Variants in SLC66A2 observed in about 807,000 individuals in gnomAD.
SLC66A2 encodes the protein PQ loop repeat containing 1.
In SLC66A2, 23 loss-of-function variants were observed where a neutral mutation model predicts 25.5. That is an observed-to-expected ratio of 0.90 (90% CI 0.65 to 1.28). The LOEUF (loss-of-function observed/expected upper bound fraction) is 1.28. SLC66A2 is among the 50% of genes most tolerant of loss of function. SLC66A2 has a pLI of 0.00. For synonymous variants in SLC66A2, 193 were observed against 166.5 expected (o/e 1.16, Z -1.23); for missense variants, 396 against 373.1 (o/e 1.06, Z -0.51).
At position 79,902,558 on chromosome 18, in the gene SLC66A2, A is replaced by C. The variant is rs2123152882; in HGVS notation, c.*1418T>G. On this transcript the variant is annotated 3_prime_UTR_variant, in exon 6 of 6. Transcript: ENST00000397778. The stretch of plus-strand genomic sequence containing the variant: ...CTTGCTTCATCTTAAAAAAATAAAA[A>C]TTTTCAAAGCATCTCACAGGCCAAA... 1 of 152,400 alleles carries C rather than the reference A, an allele frequency of 6.6e-6. No individual in the cohort carries two copies. The highest frequency in any genetic ancestry group is 1.9e-4 in the East Asian group (1 of 5,192). The allele number at this position is 152,400 out of a possible 1,614,324, so 9.4% of individuals were successfully genotyped here. A position where few individuals can be genotyped will look rare whatever the true frequency, so the allele number is the denominator to read the frequency against.
At chr18:79,948,125 T>C (rs1402594989) in intron 2 of SLC66A2, among the ~76,000 whole-genome samples, 3 of 152,174 alleles carry the variant, frequency 2.0e-5, no homozygotes, top group Non-Finnish European at 4.4e-5. Flanking sequence ...ATGTTGATTC[T>C]ATGAAGAGAC....
intron 4 of SLC66A2, among the ~76,000 whole-genome samples, chr18:79,928,076 G>A (rs1568319525): frequency 6.6e-6 from 1 of 152,362 alleles, no homozygotes; most frequent in Middle Eastern, 3.4e-3. Flanking sequence ...AGAGGTGAGG[G>A]GCTGGGCTGT....
intron 5 of SLC66A2, among the ~76,000 whole-genome samples, chr18:79,907,681 G>A (rs1982336556): frequency 6.6e-6 from 1 of 151,964 alleles, no homozygotes. Context: ...CTAGGGCATT[G>A]GTTCCCAAAT....
At chr18:79,949,144 G>C (rs1395847820) in intron 2 of SLC66A2, among the ~76,000 whole-genome samples, 1 of 152,150 alleles carries the variant, frequency 6.6e-6, no homozygotes, top group East Asian at 1.9e-4. Context: ...CTGGGGAAGA[G>C]GCAGCCAACC....
At chr18:79,950,366 C>T (rs1221766845) in intron 2 of SLC66A2, among the ~76,000 whole-genome samples, 1 of 152,086 alleles carries the variant, frequency 6.6e-6, no homozygotes, top group Non-Finnish European at 1.5e-5. Flanking sequence ...CTCAAAACAA[C>T]AAAGAAAAAC....
At chr18:79,913,943 C>A (rs538077509) in intron 5 of SLC66A2, among the ~76,000 whole-genome samples, 1 of 152,210 alleles carries the variant, frequency 6.6e-6, no homozygotes, top group Non-Finnish European at 1.5e-5. Flanking sequence ...GAGTCTCACT[C>A]TGTTGCCCAG....
At chr18:79,912,678 G>A (rs1246728659) in intron 5 of SLC66A2, among the ~76,000 whole-genome samples, 4 of 152,250 alleles carry the variant, frequency 2.6e-5, no homozygotes, top group Non-Finnish European at 5.9e-5. Context: ...TTCCTGGGGT[G>A]CGGAAAATGT....
chr18:79,941,895 G>A lies in SLC66A2; in HGVS notation c.337+1434C>T, dbSNP rs948413243. ...TTAGGCACAAATGTCCAGAGCCCGA[G>A]GACAGCAGAAACTCCCAGCAACGCA... On this transcript the variant is annotated intron_variant, in intron 3 of 5. Coordinates refer to ENST00000397778, the MANE Select transcript of SLC66A2 (RefSeq NM_025078.5). The surrounding 1 kb of genome is among the most constrained non-coding windows in gnomAD (Gnocchi z 4.1). 1.3e-5 allele frequency: 2 copies of A among 151,836 alleles called. No individual in the cohort carries two copies. The highest frequency in any genetic ancestry group is 4.8e-5 in the African/African-American group (2 of 41,308). The allele number at this position is 151,836 out of a possible 1,614,324, so 9.4% of individuals were successfully genotyped here.
chr18:79,910,873 T>C (rs1283166250), intron 5 of SLC66A2, among the ~76,000 whole-genome samples: 3 of 152,242 alleles, frequency 2.0e-5, no homozygotes, highest in Admixed American at 6.5e-5. Context: ...ACTTTCAAAC[T>C]ATCTTCAGTG....
At chr18:79,950,075 G>A (rs1233654129) in intron 2 of SLC66A2, among the ~76,000 whole-genome samples, 1 of 152,176 alleles carries the variant, frequency 6.6e-6, no homozygotes, top group African/African-American at 2.4e-5. Context: ...AGGCGCCGTG[G>A]CTCAGCTTGT....
chr18:79,927,307 C>T lies in SLC66A2; in HGVS notation c.391+6662G>A, dbSNP rs910101255. Among the ~76,000 whole-genome samples, 10 of 139,500 alleles carry T rather than the reference C, an allele frequency of 7.2e-5. No individual in the cohort carries two copies. The highest frequency in any genetic ancestry group is 3.4e-3 in the Middle Eastern group (1 of 292). 91.5% of individuals were successfully genotyped at this position (139,500 alleles called of 152,430 possible). On this transcript the variant is annotated intron_variant, in intron 4 of 5. Transcript: ENST00000397778. This position sits in a 1 kb window ranked among gnomAD's most constrained non-coding sequence, Gnocchi z 6.2. ...GGAGGGACCTGAGGGGCACAGGCTA[C>T]AGTCGGGAGAGCCCCGGGCAGGCAC... is the stretch of plus-strand genomic sequence containing the variant.
chr18:79,911,545 G>A (rs568783763), intron 5 of SLC66A2, among the ~76,000 whole-genome samples: 21 of 152,342 alleles, frequency 1.4e-4, no homozygotes, highest in South Asian at 1.2e-3. Context: ...GGGCCCTGAC[G>A]CACAGGTGCG....
At position 79,927,667 on chromosome 18, in the gene SLC66A2, C is replaced by G. The variant is rs1426318141; in HGVS notation, c.391+6302G>C. Among the ~76,000 whole-genome samples, 1 of 152,158 alleles carries G rather than the reference C, an allele frequency of 6.6e-6. No homozygotes were observed. Among genetic ancestry groups the G allele is most frequent in the Admixed American group, 6.5e-5 (1 of 15,284 alleles). ...TCGGGGAGTGACAGAGCCCCCGCCC[C>G]AACCCCAGTGAGTGGGACAGGCTGA... On this transcript the variant is annotated intron_variant, in intron 4 of 5. Transcript: ENST00000397778. This position sits in a 1 kb window ranked among gnomAD's most constrained non-coding sequence, Gnocchi z 6.2.
intron 5 of SLC66A2, among the ~76,000 whole-genome samples, chr18:79,911,740 G>A (rs80114941): frequency 0.12 from 18,684 of 151,512 alleles, 1,249 homozygotes; most frequent in Middle Eastern, 0.22. Flanking sequence ...GGGAGGGGAC[G>A]GGAGCAGGGA....
intron 4 of SLC66A2, among the ~76,000 whole-genome samples, chr18:79,925,848 T>A (rs923326992): frequency 1.8e-4 from 28 of 152,182 alleles, no homozygotes; most frequent in African/African-American, 6.8e-4. Context: ...CCATTGTGAA[T>A]AGAGGCTGGC....
At chr18:79,932,436 T>G (rs557021024) in intron 4 of SLC66A2, among the ~76,000 whole-genome samples, 1 of 151,732 alleles carries the variant, frequency 6.6e-6, no homozygotes, top group East Asian at 1.9e-4. Flanking sequence ...AAACCAAAAA[T>G]TGGTTCTCTG....
At chr18:79,912,793 G>A (rs369903299) in intron 5 of SLC66A2, among the ~76,000 whole-genome samples, 1 of 152,124 alleles carries the variant, frequency 6.6e-6, no homozygotes. Context: ...AGCCTCCGCT[G>A]AACCCTCCTG....
Position 79,933,973 on chromosome 18 carries a change from G to C in SLC66A2, c.387C>G (p.Phe129Leu). ...GTGCACGCGCAGGGTACATACCCAG[G>C]AAGGACCGCCTGGGGGCAACCTTGA... ...EEVKVAPRRSFLDFDPHHFWQ... is the reference protein window; with the variant it reads ...EEVKVAPRRSLLDFDPHHFWQ... Residue 129 changes from phenylalanine to leucine, a missense_variant, in exon 4 of 6, where the codon TTC becomes TTG. By Grantham distance (22) the Phe-to-Leu change is conservative (BLOSUM62 0). Transcript: ENST00000397778. 6.2e-7 allele frequency: 1 copy of C among 1,612,320 alleles called. No homozygotes were observed. Among genetic ancestry groups the C allele is most frequent in the African/African-American group, 1.3e-5 (1 of 75,040 alleles).
At chr18:79,916,134 G>A in intron 5 of SLC66A2, among the ~76,000 whole-genome samples, 1 of 105,792 alleles carries the variant, frequency 9.5e-6, no homozygotes, top group African/African-American at 3.4e-5. Context: ...CATACCCACG[G>A]TGCTCCCGTA....
Sources: allele counts gnomAD v4.1 joint callset (sites outside exome capture counted in the v4.1 genomes callset), GRCh38; gene constraint gnomAD v4.1.1; non-coding constraint Gnocchi (gnomAD v3.1); transcripts MANE v1.5; gene names NCBI Gene and HGNC (gene_info 2026-07-23, HGNC 2026-07-21).